Variants in GALNTL6 observed in about 807,000 individuals in gnomAD.
The protein encoded by GALNTL6 is polypeptide N-acetylgalactosaminyltransferase like 6.
A neutral mutation model predicts 73.7 loss-of-function variants in GALNTL6; 46 were observed. That is an observed-to-expected ratio of 0.62 (90% CI 0.49 to 0.80). The LOEUF is 0.80. GALNTL6 is among the 30% of genes least tolerant of loss of function. The pLI is 0.00. For synonymous variants in GALNTL6, 259 were observed against 263.7 expected (o/e 0.98, Z 0.17); for missense variants, 604 against 755.0 (o/e 0.80, Z 2.34).
intron 5 of GALNTL6, among the ~76,000 whole-genome samples, chr4:172,765,906 A>T (rs28524079): frequency 0.049 from 7,472 of 152,126 alleles, 331 homozygotes; most frequent in African/African-American, 0.11. Flanking sequence ...CATATTTTTT[A>T]AAAAAAGAAA....
intron 5 of GALNTL6, among the ~76,000 whole-genome samples, chr4:172,387,689 G>A (rs1244187533): frequency 6.6e-6 from 1 of 152,018 alleles, no homozygotes; most frequent in Admixed American, 6.6e-5. Flanking sequence ...TCAAATTTGG[G>A]ATATATTGGT....
At chr4:172,016,357 T>C (rs1044610982) in intron 2 of GALNTL6, among the ~76,000 whole-genome samples, 2 of 152,124 alleles carry the variant, frequency 1.3e-5, no homozygotes, top group Non-Finnish European at 2.9e-5. Flanking sequence ...TAGTCTATTG[T>C]TGAAATTTTC....
At chr4:172,032,943 T>C (rs1014785046) in intron 2 of GALNTL6, among the ~76,000 whole-genome samples, 1 of 152,038 alleles carries the variant, frequency 6.6e-6, no homozygotes, top group Non-Finnish European at 1.5e-5. Context: ...AAATTAGACA[T>C]ATACTGTATT....
chr4:172,752,663 T>C (rs1737495350), intron 5 of GALNTL6, among the ~76,000 whole-genome samples: 3 of 152,230 alleles, frequency 2.0e-5, no homozygotes, highest in South Asian at 4.1e-4. Context: ...TGAAAAATAG[T>C]CCCAGAAGTG....
At chr4:172,141,326 A>G (rs1324694461) in intron 2 of GALNTL6, among the ~76,000 whole-genome samples, 1 of 152,070 alleles carries the variant, frequency 6.6e-6, no homozygotes, top group African/African-American at 2.4e-5. Flanking sequence ...GTTTCTTTCA[A>G]GAATCTCTCA....
At chr4:172,430,029 A>G (rs1731380631) in intron 5 of GALNTL6, among the ~76,000 whole-genome samples, 1 of 152,122 alleles carries the variant, frequency 6.6e-6, no homozygotes, top group African/African-American at 2.4e-5. Flanking sequence ...AGAATTTCTT[A>G]CAACTTAGTA....
intron 5 of GALNTL6, among the ~76,000 whole-genome samples, chr4:172,433,422 G>C (rs566916866): frequency 6.6e-6 from 1 of 152,162 alleles, no homozygotes; most frequent in East Asian, 1.9e-4. Flanking sequence ...AGGGCAATAC[G>C]TTTTTATATA....
At chr4:172,948,140 T>C (rs1016390010) in intron 9 of GALNTL6, among the ~76,000 whole-genome samples, 11 of 152,230 alleles carry the variant, frequency 7.2e-5, no homozygotes, top group Admixed American at 3.3e-4. Context: ...TTTCTCCTGA[T>C]AGTAAATTCT....
chr4:171,963,674 A>G (rs1418205982), intron 2 of GALNTL6, among the ~76,000 whole-genome samples: 1 of 152,220 alleles, frequency 6.6e-6, no homozygotes, highest in Non-Finnish European at 1.5e-5. Context: ...CGCTTACTTA[A>G]ACAGGATCTG....
intron 5 of GALNTL6, among the ~76,000 whole-genome samples, chr4:172,463,617 C>T (rs1251792350): frequency 8.6e-5 from 13 of 151,964 alleles, no homozygotes; most frequent in Admixed American, 5.9e-4. Flanking sequence ...AGTCCTTCAC[C>T]GAATTAGAGA....
intron 5 of GALNTL6, among the ~76,000 whole-genome samples, chr4:172,800,239 C>T (rs959180646): frequency 2.6e-5 from 4 of 151,852 alleles, no homozygotes; most frequent in East Asian, 3.9e-4. Context: ...ATTAAGAAGG[C>T]GAATTTTATA....
intron 8 of GALNTL6, among the ~76,000 whole-genome samples, chr4:172,894,451 C>A (rs888056544): frequency 3.9e-5 from 6 of 152,092 alleles, no homozygotes; most frequent in Non-Finnish European, 8.8e-5. Flanking sequence ...TCTTCATTGA[C>A]CCATTCGTCA....
chr4:171,826,204 T>C (rs538519110), intron 2 of GALNTL6, among the ~76,000 whole-genome samples: 62 of 152,264 alleles, frequency 4.1e-4, no homozygotes, highest in African/African-American at 1.4e-3. Context: ...TTTATTATGC[T>C]TGGTAGGTAG....
chr4:172,699,032 A>T (rs1237966514), intron 5 of GALNTL6, among the ~76,000 whole-genome samples: 1 of 152,136 alleles, frequency 6.6e-6, no homozygotes, highest in Non-Finnish European at 1.5e-5. Flanking sequence ...GCATTGGCAG[A>T]TTCGGTGTTT....
chr4:172,989,066 G>A (rs1216872139), intron 10 of GALNTL6, among the ~76,000 whole-genome samples: 1 of 152,230 alleles, frequency 6.6e-6, no homozygotes, highest in African/African-American at 2.4e-5. Flanking sequence ...GTGGAGCTAT[G>A]AGAAGAGGGC....
chr4:172,907,409 A>C (rs1367099215), intron 8 of GALNTL6, among the ~76,000 whole-genome samples: 2 of 152,218 alleles, frequency 1.3e-5, no homozygotes, highest in Non-Finnish European at 2.9e-5. Flanking sequence ...AAGACTATAC[A>C]TCAAATTAAG....
chr4:172,594,074 C>T (rs905070323), intron 5 of GALNTL6, among the ~76,000 whole-genome samples: 1 of 152,068 alleles, frequency 6.6e-6, no homozygotes, highest in Admixed American at 6.6e-5. Context: ...TGGCTGGGCG[C>T]GGTGGCTCAT....
At chr4:173,019,329 T>C (rs1452723480) in intron 11 of GALNTL6, among the ~76,000 whole-genome samples, 1 of 151,874 alleles carries the variant, frequency 6.6e-6, no homozygotes, top group Non-Finnish European at 1.5e-5. Flanking sequence ...GGCATACTGG[T>C]GAGAGTTGAA....
intron 5 of GALNTL6, among the ~76,000 whole-genome samples, chr4:172,355,901 T>C (rs1742137315): frequency 6.6e-6 from 1 of 152,194 alleles, no homozygotes; most frequent in South Asian, 2.1e-4. Context: ...TATATTTCAA[T>C]GTTTACGACC....
Sources: gnomAD v4.1 joint callset for allele counts (sites outside exome capture counted in the v4.1 genomes callset) on GRCh38, gnomAD v4.1.1 for gene constraint, MANE v1.5 for transcripts, NCBI Gene and HGNC (gene_info 2026-07-23, HGNC 2026-07-21) for gene names.